The following CMC4 variants were observed in gnomAD, a reference collection of about 807,000 sequenced individuals.
The protein encoded by CMC4 is C-X9-C motif containing 4.
Under a neutral mutation model 5.1 loss-of-function variants are expected in CMC4, and 4 were observed. The ratio of observed to expected loss-of-function variants is 0.78; its 90% CI spans 0.38 to 1.78. The LOEUF (loss-of-function observed/expected upper bound fraction) is 1.78, where lower values mean the gene tolerates loss of function less well. CMC4 is among the 40% of genes most tolerant of loss of function. The pLI, the probability that CMC4 is intolerant of heterozygous loss-of-function variation, is 0.04. For synonymous variants in CMC4, 23 were observed against 18.9 expected (o/e 1.22, Z -0.57); for missense variants, 52 against 51.3 (o/e 1.01, Z -0.04).
At chrX:155,064,318 G>A (rs782044645) in intron 1 of CMC4, 4 of 180,378 alleles carry the variant, frequency 2.2e-5, no homozygotes, top group Non-Finnish European at 3.1e-5. Context: ...AGGAGCCGAC[G>A]GCGCAGCCTG....
chrX:155,064,542 C>G (rs1380089520), intron 1 of CMC4: 1 of 111,580 alleles, frequency 9.0e-6, no homozygotes, highest in East Asian at 2.8e-4. Context: ...AAAGTAAAAC[C>G]TTACTTTTAA....
chrX:155,064,142 G>A, intron 1 of CMC4, 109 bp from the exon 2 acceptor site: 1 of 442,287 alleles, frequency 2.3e-6, no homozygotes, highest in Non-Finnish European at 3.7e-6. Context: ...TACAATTGCT[G>A]GAAAATAATT....
chrX:155,068,026 A>C (rs2073955580), intron 1 of CMC4, among the ~76,000 whole-genome samples: 1 of 112,342 alleles, frequency 8.9e-6, no homozygotes, highest in Non-Finnish European at 1.9e-5. Context: ...AAACCTGGTA[A>C]ATACTAATGT....
chrX:155,065,247 C>G (rs1465307447), intron 1 of CMC4: 1 of 422,165 alleles, frequency 2.4e-6, no homozygotes, highest in Non-Finnish European at 4.1e-6. Context: ...TTGCAGTATT[C>G]TTCATGACCC....
intron 1 of CMC4, chrX:155,065,685 T>C (rs1317367008): frequency 1.7e-6 from 2 of 1,211,062 alleles, no homozygotes; most frequent in Non-Finnish European, 1.1e-6. Context: ...CCGGGTAGAG[T>C]TGCCACATGA....
intron 2 of CMC4, among the ~76,000 whole-genome samples, chrX:155,062,425 C>T (rs782754364): frequency 4.7e-4 from 53 of 111,832 alleles, no homozygotes; most frequent in Non-Finnish European, 7.9e-4. Flanking sequence ...CAAATTCAGC[C>T]GGTTTTTACA....
At chrX:155,063,154 C>T (rs979933991) in intron 2 of CMC4, among the ~76,000 whole-genome samples, 1 of 111,900 alleles carries the variant, frequency 8.9e-6, no homozygotes, top group Non-Finnish European at 1.9e-5. Flanking sequence ...AGATTTTAAT[C>T]TAAAAGATTT....
chrX:155,068,902 GCAACT>G (rs1478471051), intron 1 of CMC4, among the ~76,000 whole-genome samples: 2 of 112,235 alleles, frequency 1.8e-5, no homozygotes, highest in East Asian at 2.8e-4. Flanking sequence ...ATAAACTTGT[GCAACT>G]CAACTCAAGG....
intron 1 of CMC4, among the ~76,000 whole-genome samples, chrX:155,066,870 G>A (rs1215120116): frequency 8.9e-6 from 1 of 111,926 alleles, no homozygotes; most frequent in Non-Finnish European, 1.9e-5. Context: ...AAGCACATTT[G>A]AGAGGTGTAA....
At chrX:155,069,714 A>G (rs1343019922) in intron 1 of CMC4, among the ~76,000 whole-genome samples, 4 of 112,081 alleles carry the variant, frequency 3.6e-5, no homozygotes, top group Non-Finnish European at 5.6e-5. Flanking sequence ...AAATGTTAAT[A>G]ATTTTGTTCT....
intron 1 of CMC4, among the ~76,000 whole-genome samples, chrX:155,068,343 GAAGA>G (rs1180778901): frequency 2.7e-5 from 3 of 112,611 alleles, no homozygotes; most frequent in East Asian, 2.8e-4. Context: ...AATATTCTCA[GAAGA>G]AAGGCAGTGT....
chrX:155,066,068 C>T (rs781970933), intron 1 of CMC4: 252 of 963,727 alleles, frequency 2.6e-4, no homozygotes, highest in African/African-American at 5.0e-4. Context: ...CTGCAGCACC[C>T]GCGCACAGGA....
chrX:155,069,192 A>C (rs1557292227), intron 1 of CMC4, among the ~76,000 whole-genome samples: 1 of 113,003 alleles, frequency 8.8e-6, no homozygotes, highest in Non-Finnish European at 1.9e-5. Flanking sequence ...TTTTTTAAAA[A>C]AGTATAGTTT....
In CMC4 at chrX:155,071,029, TCC is replaced by T. The variant is rs1474803883; in HGVS notation, c.-348_-347del. 2 of 112,580 alleles carry T rather than the reference TCC, an allele frequency of 1.8e-5. No individual in the cohort carries two copies. The highest frequency in any genetic ancestry group is 6.4e-5 in the African/African-American group (2 of 31,113). 9.3% of individuals were successfully genotyped at this position (112,580 alleles called of 1,213,427 possible). ...GCGGAGATGTCGTCTTAAAGGGCTG[TCC>T]CCCAAGCGTGTAGGCCGCGCACGGG... On this transcript the variant is annotated 5_prime_UTR_variant, in exon 1 of 3. Transcript: ENST00000369484.
In CMC4 at chrX:155,064,031, AAAC is replaced by A. The variant is rs2073938972; in HGVS notation, c.-10-1_-9del. On this transcript the variant is annotated splice_acceptor_variant and 5_prime_UTR_variant, in exon 2 of 3. Transcript: ENST00000369484. LOFTEE classifies it low-confidence loss of function (5UTR_SPLICE). Reference sequence around the variant, plus strand: ...CGGATCCTTCTGCGGCATATCCAGAAAACTAAAACAAGAAAAATGATTTTTATT... The same window carrying A: ...CGGATCCTTCTGCGGCATATCCAGAATAAAACAAGAAAAATGATTTTTATT... The A allele has an allele frequency of 1.7e-6, 2 of 1,177,330 alleles. No homozygotes were observed. Among genetic ancestry groups the A allele is most frequent in the Non-Finnish European group, 2.3e-6 (2 of 882,751 alleles).
chrX:155,063,992 G>C lies in CMC4; in HGVS notation c.32C>G (p.Ala11Gly). 1 of 1,195,194 alleles carries C rather than the reference G, an allele frequency of 8.4e-7. No homozygotes were observed. Among genetic ancestry groups the C allele is most frequent in the Non-Finnish European group, 1.1e-6 (1 of 890,383 alleles). Residue 11 changes from alanine to glycine, a missense_variant, in exon 2 of 3, where the codon GCC (alanine) becomes GGC (glycine). Transcript: ENST00000369484. ...TTGTAAACATTTCTGTATCTCACAG[G>C]CTTGCTTCTGGCACGGATCCTTCTG... MPQKDPCQKQ[A>G]CEIQKCLQAN... is the part of the protein sequence containing the mutation.
chrX:155,064,644 C>A (rs973750245), intron 1 of CMC4: 1 of 111,929 alleles, frequency 8.9e-6, no homozygotes, highest in Non-Finnish European at 1.9e-5. Context: ...GGTGTTATTA[C>A]TTCCTGAGAA....
At chrX:155,065,281 C>A in intron 1 of CMC4, 1 of 436,307 alleles carries the variant, frequency 2.3e-6, no homozygotes, top group Non-Finnish European at 4.0e-6. Flanking sequence ...GTTTCTTGAG[C>A]AGTTTTTCAA....
At chrX:155,062,102 A>G in intron 2 of CMC4, 111 bp from the exon 3 acceptor site, 1 of 767,972 alleles carries the variant, frequency 1.3e-6, no homozygotes, top group Middle Eastern at 3.2e-4. Flanking sequence ...TGGAACTGGA[A>G]GAAAGAAGAT....
Sources: allele counts gnomAD v4.1 joint callset (sites outside exome capture counted in the v4.1 genomes callset), GRCh38; gene constraint gnomAD v4.1.1; transcripts MANE v1.5; gene names NCBI Gene and HGNC (gene_info 2026-07-23, HGNC 2026-07-21).